The following MAGI1 variants were observed in gnomAD, a reference collection of about 807,000 sequenced individuals.
MAGI1 encodes the protein membrane associated guanylate kinase, WW and PDZ domain containing 1.
MAGI1 carries 58 observed loss-of-function variants against 139.9 expected under a neutral mutation model. The ratio of observed to expected loss-of-function variants is 0.41; its 90% CI spans 0.34 to 0.52. The LOEUF is 0.52. Ranked by LOEUF, MAGI1 falls within the 20% of genes least tolerant of loss-of-function variation. MAGI1 has a pLI of 0.12. For synonymous variants in MAGI1, 812 were observed against 737.9 expected, an observed-to-expected ratio of 1.10 and a Z score of -1.63; for missense variants, 1,874 against 1,901.6, an observed-to-expected ratio of 0.99 and a Z score of 0.27.
In MAGI1 at chr3:66,038,412, C is replaced by A; in HGVS notation, c.-104G>T. 1 of 1,428,062 alleles carries A rather than the reference C, an allele frequency of 7.0e-7. No individual in the cohort carries two copies. The highest frequency in any genetic ancestry group is 2.4e-5 in the East Asian group (1 of 41,910). 88.5% of individuals were successfully genotyped at this position (1,428,062 alleles called of 1,614,324 possible). On this transcript the variant is annotated 5_prime_UTR_variant, in exon 1 of 23. Coordinates refer to ENST00000402939, the MANE Select transcript of MAGI1 (RefSeq NM_001033057.2). ...TGTTCATGGGAGAAACATCTCTCCC[C>A]AAATCACAAAACAGGAGAGAGAAAC...
At position 65,363,402 on chromosome 3, in the gene MAGI1, T is replaced by C. The variant is rs1941087591; in HGVS notation, c.3495+63A>G. ...TATGAACATGAACATTCTAACCATA[T>C]ATGACAAGAATTCACTGCAGATGGT... On this transcript the variant is annotated intron_variant, in intron 21 of 22. Coordinates refer to ENST00000402939, the MANE Select transcript of MAGI1 (RefSeq NM_001033057.2). 9 of 1,522,960 alleles carry C rather than the reference T, an allele frequency of 5.9e-6. No individual in the cohort carries two copies. The South Asian group carries it at 1.2e-4, about 19-fold the overall frequency. The allele number at this position is 1,522,960 out of a possible 1,614,324, so 94.3% of individuals were successfully genotyped here.
intron 1 of MAGI1, among the ~76,000 whole-genome samples, chr3:65,709,980 C>A (rs912635846): frequency 6.6e-6 from 1 of 152,162 alleles, no homozygotes; most frequent in Non-Finnish European, 1.5e-5. Flanking sequence ...ATCAAAGCTT[C>A]TCCAAAAAGC....
chr3:66,022,486 T>C (rs979833151), intron 1 of MAGI1, among the ~76,000 whole-genome samples: 5 of 152,322 alleles, frequency 3.3e-5, no homozygotes, highest in African/African-American at 1.2e-4. Context: ...AATAAATTTA[T>C]AGGGTTAATA....
At chr3:65,361,000 C>A in intron 22 of MAGI1, 199 bp downstream of exon 22, 1 of 1,460,042 alleles carries the variant, frequency 6.8e-7, no homozygotes, top group South Asian at 1.5e-5. Context: ...TTAGGCCATG[C>A]CCCAGTCCAC....
At chr3:65,437,786 C>T (rs965717606) in intron 9 of MAGI1, among the ~76,000 whole-genome samples, 3 of 152,166 alleles carry the variant, frequency 2.0e-5, no homozygotes, top group Admixed American at 2.0e-4. Flanking sequence ...CTTGAGATGG[C>T]ACCCCAGAAT....
At chr3:65,514,308 G>A (rs1168071206) in intron 2 of MAGI1, among the ~76,000 whole-genome samples, 3 of 120,228 alleles carry the variant, frequency 2.5e-5, no homozygotes, top group African/African-American at 9.2e-5. Flanking sequence ...ATTGACAAAT[G>A]GGATCTAATT....
At chr3:65,853,913 T>C (rs1228478915) in intron 1 of MAGI1, among the ~76,000 whole-genome samples, 1 of 152,080 alleles carries the variant, frequency 6.6e-6, no homozygotes, top group African/African-American at 2.4e-5. Flanking sequence ...GAGACTAGCC[T>C]GGCCAACATG....
At chr3:65,379,613 C>A in intron 16 of MAGI1, 59 bp from the exon 17 acceptor site, 1 of 1,551,058 alleles carries the variant, frequency 6.4e-7, no homozygotes. Flanking sequence ...CATCCTGCTG[C>A]CCCTCCCTCC....
At chr3:65,548,657 G>A (rs2079639911) in intron 2 of MAGI1, among the ~76,000 whole-genome samples, 1 of 151,844 alleles carries the variant, frequency 6.6e-6, no homozygotes, top group Admixed American at 6.6e-5. Context: ...CTAGCAGCTG[G>A]GACGGCAGGC....
At chr3:65,924,062 A>T (rs1031319324) in intron 1 of MAGI1, among the ~76,000 whole-genome samples, 2 of 152,248 alleles carry the variant, frequency 1.3e-5, no homozygotes, top group African/African-American at 4.8e-5. Context: ...ATACTAAAAT[A>T]ATTCAAGGAG....
In MAGI1 at chr3:65,354,180, A is replaced by T. The variant is rs1559868684; in HGVS notation, c.*2198T>A. On this transcript the variant is annotated 3_prime_UTR_variant, in exon 23 of 23. Coordinates refer to ENST00000402939, the MANE Select transcript of MAGI1 (RefSeq NM_001033057.2). Reference sequence around the variant, plus strand: ...AAAATCTCCAAGTCAGCTCTTAGGAACTTGATGAAAAAGAACATCATTATT... The same window carrying T: ...AAAATCTCCAAGTCAGCTCTTAGGATCTTGATGAAAAAGAACATCATTATT... 1 of 152,460 alleles carries T rather than the reference A, an allele frequency of 6.6e-6. No homozygotes were observed. The highest frequency in any genetic ancestry group is 1.5e-5 in the Non-Finnish European group (1 of 68,042). 9.4% of individuals were successfully genotyped at this position (152,460 alleles called of 1,614,324 possible). A position where few individuals can be genotyped will look rare whatever the true frequency, so the allele number is the denominator to read the frequency against.
chr3:65,672,385 A>G (rs2086915050), intron 1 of MAGI1, among the ~76,000 whole-genome samples: 1 of 152,206 alleles, frequency 6.6e-6, no homozygotes, highest in Non-Finnish European at 1.5e-5. Flanking sequence ...CAAAGGAGAA[A>G]CTGCTGATGA....
chr3:65,360,049 A>G, intron 22 of MAGI1: 12 of 985,054 alleles, frequency 1.2e-5, no homozygotes, highest in Non-Finnish European at 1.4e-5. Context: ...TCTAATACCC[A>G]CCCTCCCCCT....
At chr3:65,675,012 T>A (rs2087094282) in intron 1 of MAGI1, among the ~76,000 whole-genome samples, 1 of 152,006 alleles carries the variant, frequency 6.6e-6, no homozygotes, top group African/African-American at 2.4e-5. Context: ...ACTTTCCAAG[T>A]GTTCATGGGG....
rs537716166 is a variant in MAGI1 at position 65,481,768 on chromosome 3, G to A, written c.551-2970C>T. ...TCTGCATTTATGGCAGAAATAATAA[G>A]TGCTTGGAAAATAAAAGTTCCACTT... On this transcript the variant is annotated intron_variant, in intron 3 of 22. Coordinates refer to ENST00000402939, the MANE Select transcript of MAGI1 (RefSeq NM_001033057.2). Among the ~76,000 whole-genome samples, 4 of 152,128 alleles carry A rather than the reference G, an allele frequency of 2.6e-5. No individual in the cohort carries two copies. In the South Asian group the frequency reaches 6.2e-4, roughly 24 times the overall value.
intron 4 of MAGI1, among the ~76,000 whole-genome samples, chr3:65,477,717 T>TATTA (rs370763213): frequency 0.017 from 2,057 of 124,416 alleles, 27 homozygotes; most frequent in African/African-American, 0.041. Context: ...TATTATTTTT[T>TATTA]TTTTTTTATT....
intron 2 of MAGI1, among the ~76,000 whole-genome samples, chr3:65,530,991 CA>C (rs937534382): frequency 3.3e-5 from 5 of 151,106 alleles, no homozygotes; most frequent in African/African-American, 1.2e-4. Context: ...AAAATAAGGA[CA>C]ATAATCCCCA....
At chr3:65,683,188 C>T (rs1165219014) in intron 1 of MAGI1, among the ~76,000 whole-genome samples, 2 of 152,098 alleles carry the variant, frequency 1.3e-5, no homozygotes, top group East Asian at 1.9e-4. Context: ...GGGATGGGGA[C>T]CCCTGGTATA....
chr3:66,032,058 C>G (rs996508483), intron 1 of MAGI1, among the ~76,000 whole-genome samples: 4 of 152,082 alleles, frequency 2.6e-5, no homozygotes, highest in African/African-American at 9.7e-5. Context: ...GATCTGATTA[C>G]GAGAAAGTGA....
Sources: allele counts gnomAD v4.1 joint callset (sites outside exome capture counted in the v4.1 genomes callset), GRCh38; gene constraint gnomAD v4.1.1; transcripts MANE v1.5; gene names NCBI Gene and HGNC (gene_info 2026-07-23, HGNC 2026-07-21).